The following ABCA13 variants were observed in gnomAD, a reference collection of about 807,000 sequenced individuals.
ABCA13 encodes ATP binding cassette subfamily A member 13.
ABCA13 carries 476 observed loss-of-function variants against 478.7 expected under a neutral mutation model. That is an observed-to-expected ratio of 0.99 (90% CI 0.92 to 1.07). ABCA13 has a LOEUF of 1.07. Among genes scored for constraint, ABCA13 ranks in the 50% least tolerant of loss-of-function variants. The pLI is 0.00. For synonymous variants in ABCA13, 2,252 were observed against 2,158.9 expected (o/e 1.04, Z -1.20); for missense variants, 6,060 against 5,910.6 (o/e 1.03, Z -0.83).
At chr7:48,247,215 G>C (rs1252811968) in intron 13 of ABCA13, among the ~76,000 whole-genome samples, 1 of 151,872 alleles carries the variant, frequency 6.6e-6, no homozygotes, top group Non-Finnish European at 1.5e-5. Context: ...TCCAGCCTGG[G>C]TGACAATGTG....
intron 4 of ABCA13, 29 bp from the exon 5 acceptor site, chr7:48,221,252 T>A: frequency 9.3e-7 from 1 of 1,070,906 alleles, no homozygotes; most frequent in Non-Finnish European, 1.4e-6. Context: ...ATGATTGAAC[T>A]AATATCTCTT....
intron 58 of ABCA13, among the ~76,000 whole-genome samples, chr7:48,609,041 C>A (rs1791759880): frequency 6.6e-6 from 1 of 152,154 alleles, no homozygotes; most frequent in Admixed American, 6.5e-5. Flanking sequence ...TCTACTTTAT[C>A]ATAATGCATA....
intron 20 of ABCA13, among the ~76,000 whole-genome samples, chr7:48,289,634 C>G (rs549768734): frequency 1.3e-5 from 2 of 152,100 alleles, no homozygotes; most frequent in South Asian, 4.2e-4. Context: ...GCTGGGATTA[C>G]AGGCATGAGC....
At chr7:48,431,979 G>A (rs1286263613) in intron 42 of ABCA13, among the ~76,000 whole-genome samples, 1 of 152,212 alleles carries the variant, frequency 6.6e-6, no homozygotes, top group Non-Finnish European at 1.5e-5. Context: ...GTTTGGTTGA[G>A]TAGACCTGTG....
At chr7:48,397,344 T>C (rs1481477209) in intron 38 of ABCA13, among the ~76,000 whole-genome samples, 1 of 152,108 alleles carries the variant, frequency 6.6e-6, no homozygotes, top group African/African-American at 2.4e-5. Context: ...GCACAGCAAG[T>C]TCTGAACAAG....
chr7:48,520,245 C>A lies in ABCA13; in HGVS notation c.14002C>A (p.Leu4668Ile). Residue 4668 changes from leucine (L) to isoleucine (I), a missense_variant, in exon 53 of 62, where the codon CTT (leucine) becomes ATT (isoleucine). By Grantham distance (5) the Leu-to-Ile change is conservative. Around this residue, in one of 3 missense-constraint regions of ABCA13, gnomAD observed 1,627 missense variants for 1,571.0 expected, o/e 1.04. Transcript: ENST00000435803. ...FVQLASQGTV[L>I]LLLRVLLHWD... ...GCAACTGGCCTCGCAGGGCACAGTA[C>A]TTCTCCTCTTGAGGGTTCTGCTACA... 1 of 1,613,506 alleles carries A rather than the reference C, an allele frequency of 6.2e-7. No individual in the cohort carries two copies. The highest frequency in any genetic ancestry group is 1.1e-5 in the South Asian group (1 of 91,062).
In ABCA13 at chr7:48,334,725, G is replaced by T. The variant is rs184711573; in HGVS notation, c.10000-697G>T. Among the ~76,000 whole-genome samples, 34 of 152,284 alleles carry T rather than the reference G, an allele frequency of 2.2e-4. 1 individual carries two copies. The highest frequency in any genetic ancestry group is 8.2e-4 in the African/African-American group (34 of 41,554). On this transcript the variant is annotated intron_variant, in intron 27 of 61. Transcript: ENST00000435803. The stretch of plus-strand genomic sequence containing the variant: ...GCTGCTTTTCAGCTCCTGTGCCATT[G>T]TGAGGGTCTCCTAGTGACCCTAGGG...
intron 58 of ABCA13, among the ~76,000 whole-genome samples, chr7:48,611,769 A>T (rs2131546618): frequency 6.6e-6 from 1 of 152,306 alleles, no homozygotes. Flanking sequence ...GGACACCAAC[A>T]CAAACCATAT....
intron 1 of ABCA13, among the ~76,000 whole-genome samples, chr7:48,183,424 T>C (rs1464015495): frequency 6.6e-6 from 1 of 152,210 alleles, no homozygotes; most frequent in Non-Finnish European, 1.5e-5. Context: ...AAAATAGTAA[T>C]CTTTATGACA....
At chr7:48,629,224 C>T (rs1363112221) in intron 59 of ABCA13, among the ~76,000 whole-genome samples, 1 of 152,078 alleles carries the variant, frequency 6.6e-6, no homozygotes, top group Non-Finnish European at 1.5e-5. Context: ...CACCGGCTTG[C>T]CAAGAATTAA....
chr7:48,391,914 C>T lies in ABCA13; in HGVS notation c.11655-7C>T. 6.2e-7 allele frequency: 1 copy of T among 1,613,142 alleles called. No homozygotes were observed. Among genetic ancestry groups the T allele is most frequent in the Non-Finnish European group, 8.5e-7 (1 of 1,179,394 alleles). On this transcript the variant is annotated splice_polypyrimidine_tract_variant and splice_region_variant and intron_variant, in intron 37 of 61. Coordinates refer to ENST00000435803, the MANE Select transcript of ABCA13 (RefSeq NM_152701.5). ...TATTCTCCATGCTGTCTTATTTTCT[C>T]TGGCAGATCCATGTTGACGGGGCTC...
In ABCA13 at chr7:48,274,995, C is replaced by A; in HGVS notation, c.5329C>A (p.Leu1777Ile). Residue 1777 changes from leucine to isoleucine, a missense_variant, in exon 17 of 62, where the codon CTC becomes ATC. This residue lies in a region of ABCA13 where 4,423 missense variants were observed against 4,309.1 expected (regional missense o/e 1.03). Transcript: ENST00000435803. ...CCTCAAGGATGTCTACAGCTTCACA[C>A]TCCTTCATGGCATAACCATTTCAAA... ...EGLKDVYSFT[L>I]LHGITISNIT... 1 of 1,613,942 alleles carries A rather than the reference C, an allele frequency of 6.2e-7. No individual in the cohort carries two copies. Among genetic ancestry groups the A allele is most frequent in the Non-Finnish European group, 8.5e-7 (1 of 1,179,852 alleles).
intron 41 of ABCA13, among the ~76,000 whole-genome samples, chr7:48,425,175 G>A (rs569904093): frequency 6.6e-6 from 1 of 152,180 alleles, no homozygotes; most frequent in East Asian, 1.9e-4. Context: ...CCACAAATGT[G>A]TGCATTCAAA....
Position 48,278,538 on chromosome 7 carries a change from T to C in ABCA13, c.7344T>C (p.Val2448=), listed in dbSNP as rs748942649. 2.5e-6 allele frequency: 4 copies of C among 1,613,960 alleles called. No homozygotes were observed. Among genetic ancestry groups the C allele is most frequent in the African/African-American group, 2.7e-5 (2 of 75,052 alleles). ...FYALYPTLQE[V]ILANLTDLLF... is the part of the protein sequence containing the mutation. ...CTTTGTATCCTACCCTCCAAGAAGT[T>C]ATACTTGCTAATCTAACGGATTTGC... is the stretch of plus-strand genomic sequence containing the variant. The change falls in exon 18 of 62, where the codon GTT becomes GTC. Residue 2448 remains valine (V), a synonymous_variant. Transcript: ENST00000435803.
chr7:48,420,439 G>A lies in ABCA13; in HGVS notation c.12460-7327G>A, dbSNP rs181611095. Among the ~76,000 whole-genome samples the A allele has an allele frequency of 1.4e-4, 22 of 152,230 alleles. No homozygotes were observed. In the South Asian group the frequency reaches 3.9e-3, roughly 27 times the overall value. ...GGCTTTGCATATGGAATATATTTTC[G>A]GCAATCTCTGAAGCCAAGACAAAAC... On this transcript the variant is annotated intron_variant, in intron 41 of 61. Transcript: ENST00000435803.
rs1826672978 is a variant in ABCA13, at chr7:48,464,680, G to T, written c.12816-2276G>T. ...CAGATTTAGGGAAGTAAAATAATTG[G>T]ATGGAGATTAAGGATGAGGCCAATG... On this transcript the variant is annotated intron_variant, in intron 43 of 61. Transcript: ENST00000435803. Among the ~76,000 whole-genome samples the T allele has an allele frequency of 1.3e-5, 2 of 152,170 alleles. 1 individual carries two copies. The highest frequency in any genetic ancestry group is 4.1e-4 in the South Asian group (2 of 4,828).
intron 9 of ABCA13, among the ~76,000 whole-genome samples, chr7:48,239,742 A>G (rs1225864260): frequency 6.6e-6 from 1 of 152,226 alleles, no homozygotes; most frequent in Non-Finnish European, 1.5e-5. Flanking sequence ...GGACATTTGC[A>G]TGCTAGCATT....
At chr7:48,484,756 G>A (rs1829120708) in intron 47 of ABCA13, among the ~76,000 whole-genome samples, 1 of 152,208 alleles carries the variant, frequency 6.6e-6, no homozygotes, top group Admixed American at 6.5e-5. Context: ...GCACAAGCAT[G>A]CAGGTGAATT....
rs555851046 is a variant in ABCA13 at position 48,264,572 on chromosome 7, G to C, written c.2006-4408G>C. Among the ~76,000 whole-genome samples the C allele has an allele frequency of 5.3e-5, 8 of 151,776 alleles. No individual in the cohort carries two copies. The East Asian group carries it at 1.5e-3, about 29-fold the overall frequency. On this transcript the variant is annotated intron_variant, in intron 15 of 61. Coordinates refer to ENST00000435803, the MANE Select transcript of ABCA13 (RefSeq NM_152701.5). The stretch of plus-strand genomic sequence containing the variant: ...CTTTTCATGGACTTCTATGTCATCT[G>C]TATTTTTGTTCATAAATTGTATATT...
Sources: gnomAD v4.1 joint callset for allele counts (sites outside exome capture counted in the v4.1 genomes callset) on GRCh38, gnomAD v4.1.1 for gene constraint, gnomAD v4.1.1 regional missense constraint, MANE v1.5 for transcripts, NCBI Gene and HGNC (gene_info 2026-07-23, HGNC 2026-07-21) for gene names.